Variants in LYPD6B observed in about 807,000 individuals in gnomAD.
LYPD6B encodes LY6/PLAUR domain containing 6B.
LYPD6B carries 17 observed loss-of-function variants against 22.8 expected under a neutral mutation model. That is an observed-to-expected ratio of 0.75 (90% CI 0.51 to 1.12). The LOEUF is 1.12. LYPD6B is among the 50% of genes most tolerant of loss of function. The pLI is 0.00. For synonymous variants in LYPD6B, 106 were observed against 91.6 expected (o/e 1.16, Z -0.90); for missense variants, 221 against 258.3 (o/e 0.86, Z 0.99).
chr2:149,093,248 G>A (rs932537538), intron 1 of LYPD6B, among the ~76,000 whole-genome samples: 4 of 152,052 alleles, frequency 2.6e-5, no homozygotes, highest in East Asian at 1.9e-4. Context: ...GGGATGTGTC[G>A]CATTGGTGGT....
At position 149,179,787 on chromosome 2, in the gene LYPD6B, A is replaced by G. The variant is rs192734679; in HGVS notation, c.77+18952A>G. On this transcript the variant is annotated intron_variant, in intron 3 of 6. Coordinates refer to ENST00000409642, the MANE Select transcript of LYPD6B (RefSeq NM_177964.5). ...CTTACCTGGCACTGTTGGTTTGTGT[A>G]TCATCCACATTCTCCCCAGTTTTTC... 6.6e-5 allele frequency among the ~76,000 whole-genome samples: 10 copies of G among 152,312 alleles called. No homozygotes were observed. In the East Asian group the frequency reaches 1.7e-3, roughly 26 times the overall value.
chr2:149,152,435 CA>C (rs1458912971), intron 2 of LYPD6B, among the ~76,000 whole-genome samples: 1 of 152,144 alleles, frequency 6.6e-6, no homozygotes, highest in Non-Finnish European at 1.5e-5. Context: ...AAGTGAGTGT[CA>C]AGCGCTGCAG....
chr2:149,185,887 TG>T (rs1692064631), intron 3 of LYPD6B, among the ~76,000 whole-genome samples: 1 of 152,192 alleles, frequency 6.6e-6, no homozygotes, highest in African/African-American at 2.4e-5. Context: ...TGTAATTGTT[TG>T]GGGGCACCAT....
chr2:149,072,454 C>T (rs951153536), intron 1 of LYPD6B, among the ~76,000 whole-genome samples: 9 of 150,340 alleles, frequency 6.0e-5, no homozygotes, highest in Non-Finnish European at 1.3e-4. Flanking sequence ...AAGGATAACA[C>T]AGGAAAGGGA....
chr2:149,122,997 A>G (rs886810040), intron 1 of LYPD6B, among the ~76,000 whole-genome samples: 2 of 152,190 alleles, frequency 1.3e-5, no homozygotes, highest in Non-Finnish European at 2.9e-5. Context: ...TTAAGAAAAA[A>G]TCACGGTAGA....
chr2:149,109,568 TG>T (rs1307344805), intron 1 of LYPD6B, among the ~76,000 whole-genome samples: 1 of 152,188 alleles, frequency 6.6e-6, no homozygotes, highest in Non-Finnish European at 1.5e-5. Context: ...TTCATCAAAT[TG>T]GAAACATTTT....
At chr2:149,169,640 T>G (rs1207422810) in intron 3 of LYPD6B, among the ~76,000 whole-genome samples, 3 of 152,148 alleles carry the variant, frequency 2.0e-5, no homozygotes, top group Non-Finnish European at 2.9e-5. Context: ...TCTCTTCTCT[T>G]CCATTTTTCA....
chr2:149,144,754 C>A (rs1688909913), intron 2 of LYPD6B, among the ~76,000 whole-genome samples: 1 of 152,136 alleles, frequency 6.6e-6, no homozygotes, highest in African/African-American at 2.4e-5. Context: ...ACAGCAAAAT[C>A]TTACTGGGGA....
Position 149,177,117 on chromosome 2 carries a change from G to A in LYPD6B, c.77+16282G>A, listed in dbSNP as rs1035603498. Among the ~76,000 whole-genome samples, 9 of 152,232 alleles carry A rather than the reference G, an allele frequency of 5.9e-5. No individual in the cohort carries two copies. The East Asian group carries it at 1.7e-3, about 29-fold the overall frequency. The stretch of plus-strand genomic sequence containing the variant: ...GGTGAACTGAGGAACCAAATGCGCA[G>A]TCTGGGTTTTTAGATTGCAGGTGGA... On this transcript the variant is annotated intron_variant, in intron 3 of 6. Transcript: ENST00000409642.
chr2:149,210,369 T>G (rs1360882789), intron 5 of LYPD6B, among the ~76,000 whole-genome samples: 2 of 152,264 alleles, frequency 1.3e-5, no homozygotes, highest in South Asian at 4.2e-4. Context: ...AGGCTGACTC[T>G]TAATGGGCTC....
In LYPD6B at chr2:149,086,013, C is replaced by A. The variant is rs560664181; in HGVS notation, c.-66-44870C>A. ...GGAGAAAGGTGCATTAAAAACAACT[C>A]CATCAAAATCCAGAGCATTGCCAGG... On this transcript the variant is annotated intron_variant, in intron 1 of 6. Coordinates refer to ENST00000409642, the MANE Select transcript of LYPD6B (RefSeq NM_177964.5). Among the ~76,000 whole-genome samples, 6 of 152,264 alleles carry A rather than the reference C, an allele frequency of 3.9e-5. No homozygotes were observed. The South Asian group carries it at 1.2e-3, about 32-fold the overall frequency.
chr2:149,160,233 G>T (rs558950729), intron 2 of LYPD6B, among the ~76,000 whole-genome samples: 1 of 152,182 alleles, frequency 6.6e-6, no homozygotes, highest in African/African-American at 2.4e-5. Context: ...TTGCTCATTT[G>T]AATGCATATA....
intron 2 of LYPD6B, among the ~76,000 whole-genome samples, chr2:149,144,863 T>C (rs1688918561): frequency 6.6e-6 from 1 of 152,166 alleles, no homozygotes; most frequent in South Asian, 2.1e-4. Flanking sequence ...ATTTCACATC[T>C]TCCACCCCTG....
intron 4 of LYPD6B, among the ~76,000 whole-genome samples, chr2:149,206,456 C>A (rs1693512412): frequency 1.3e-5 from 2 of 152,024 alleles, no homozygotes; most frequent in African/African-American, 2.4e-5. Context: ...CTTGAACTAC[C>A]ATTATACATT....
intron 3 of LYPD6B, among the ~76,000 whole-genome samples, chr2:149,171,832 A>T (rs1159511781): frequency 6.6e-6 from 1 of 152,168 alleles, no homozygotes; most frequent in Non-Finnish European, 1.5e-5. Context: ...AGGATCTACA[A>T]TAAAAACCAA....
chr2:149,067,145 A>G (rs995642772), intron 1 of LYPD6B, among the ~76,000 whole-genome samples: 2 of 152,002 alleles, frequency 1.3e-5, no homozygotes, highest in East Asian at 1.9e-4. Flanking sequence ...TGATTTCCTT[A>G]TTTTTTATGG....
At position 149,182,109 on chromosome 2, in the gene LYPD6B, A is replaced by G. The variant is rs1691774421; in HGVS notation, c.77+21274A>G. ...ATGTGGTTGTAAGAGTCAAAGAGGT[A>G]TTGTGTGTGAATGCATTTCATCTAA... is the stretch of plus-strand genomic sequence containing the variant. On this transcript the variant is annotated intron_variant, in intron 3 of 6. Coordinates refer to ENST00000409642, the MANE Select transcript of LYPD6B (RefSeq NM_177964.5). Among the ~76,000 whole-genome samples, 5 of 152,280 alleles carry G rather than the reference A, an allele frequency of 3.3e-5. No individual in the cohort carries two copies. The South Asian group carries it at 8.3e-4, about 25-fold the overall frequency.
chr2:149,163,646 C>T (rs1368762053), intron 3 of LYPD6B, among the ~76,000 whole-genome samples: 1 of 152,162 alleles, frequency 6.6e-6, no homozygotes, highest in African/African-American at 2.4e-5. Flanking sequence ...AGTTGGGTAT[C>T]AGTTCTTCCC....
At chr2:149,211,796 T>C (rs945250021) in intron 5 of LYPD6B, among the ~76,000 whole-genome samples, 2 of 152,210 alleles carry the variant, frequency 1.3e-5, no homozygotes, top group South Asian at 4.1e-4. Flanking sequence ...AAGCATTTCA[T>C]TGGCCTCTGG....
Sources: gnomAD v4.1 joint callset for allele counts (sites outside exome capture counted in the v4.1 genomes callset) on GRCh38, gnomAD v4.1.1 for gene constraint, MANE v1.5 for transcripts, NCBI Gene and HGNC (gene_info 2026-07-23, HGNC 2026-07-21) for gene names.